The following PGS1 variants were observed in gnomAD, a reference collection of about 807,000 sequenced individuals.
PGS1 encodes the protein phosphatidylglycerophosphate synthase 1.
In PGS1, 44 loss-of-function variants were observed where a neutral mutation model predicts 58.3. The ratio of observed to expected loss-of-function variants is 0.75; its 90% CI spans 0.59 to 0.97. The LOEUF (loss-of-function observed/expected upper bound fraction) is 0.97, where lower values mean the gene tolerates loss of function less well. Among genes scored for constraint, PGS1 ranks in the 50% least tolerant of loss-of-function variants. The probability of loss-of-function intolerance (pLI) is 0.00; values close to 1 mark genes in which losing one functional copy is unlikely to be tolerated. For missense variants in PGS1, 684 were observed against 731.1 expected (o/e 0.94, Z 0.74); for synonymous variants, 330 against 311.0 (o/e 1.06, Z -0.64).
chr17:78,418,664 G>A (rs147101842), intron 8 of PGS1, among the ~76,000 whole-genome samples: 311 of 152,216 alleles, frequency 2.0e-3, no homozygotes, highest in Middle Eastern at 6.8e-3. Flanking sequence ...AAAAATCTTA[G>A]CGCATAGTGA....
At chr17:78,384,876 A>T (rs558271262) in intron 1 of PGS1, among the ~76,000 whole-genome samples, 4 of 152,294 alleles carry the variant, frequency 2.6e-5, no homozygotes, top group Non-Finnish European at 4.4e-5. Context: ...TGTGGAAGGG[A>T]CGTCTAAAGG....
intron 1 of PGS1, among the ~76,000 whole-genome samples, chr17:78,390,332 GGAA>G (rs10564375): frequency 0.31 from 20,730 of 66,340 alleles, 1,594 homozygotes; most frequent in Middle Eastern, 0.35. Flanking sequence ...GGGTGGGGGA[GGAA>G]CAGCTGTTTC....
At chr17:78,402,411 TATATATATATATATATAC>T (rs142485716) in intron 6 of PGS1, among the ~76,000 whole-genome samples, 63,477 of 137,184 alleles carry the variant, frequency 0.46, 14,482 homozygotes, top group Admixed American at 0.53. Flanking sequence ...TATATATATA[TATATATATATATATATAC>T]ACACACACAC....
chr17:78,394,040 C>A (rs1196785456), intron 2 of PGS1, among the ~76,000 whole-genome samples: 1 of 151,752 alleles, frequency 6.6e-6, no homozygotes, highest in Non-Finnish European at 1.5e-5. Flanking sequence ...GGAAGGGTGG[C>A]ACACACCTGT....
chr17:78,413,906 T>C (rs1326668303), intron 7 of PGS1, among the ~76,000 whole-genome samples: 2 of 152,238 alleles, frequency 1.3e-5, no homozygotes, highest in African/African-American at 2.4e-5. Flanking sequence ...GGCCTCGTAG[T>C]GTGGCCCCCC....
In PGS1 at chr17:78,378,753, C is replaced by A; in HGVS notation, c.88C>A (p.Leu30Ile). The change falls in exon 1 of 10, where the codon CTC becomes ATC. Residue 30 changes from leucine (L) to isoleucine (I), a missense_variant. Coordinates refer to ENST00000262764, the MANE Select transcript of PGS1 (RefSeq NM_024419.5). ...GCCTGGCCGCCCAGGGCTGGCCGCGCTCCTGGGACGCCTGTCCGACCGCCT... is the reference window on the plus strand; with the variant it reads ...GCCTGGCCGCCCAGGGCTGGCCGCGATCCTGGGACGCCTGTCCGACCGCCT... ...LLPGRPGLAA[L>I]LGRLSDRLGR... 1 of 1,501,938 alleles carries A rather than the reference C, an allele frequency of 6.7e-7. No individual in the cohort carries two copies. The allele number at this position is 1,501,938 out of a possible 1,614,324, so 93.0% of individuals were successfully genotyped here.
At chr17:78,394,540 G>C (rs962558603) in intron 2 of PGS1, among the ~76,000 whole-genome samples, 4 of 151,914 alleles carry the variant, frequency 2.6e-5, no homozygotes, top group African/African-American at 9.7e-5. Context: ...TGAAGAAACA[G>C]GTTTTTCTTT....
intron 7 of PGS1, among the ~76,000 whole-genome samples, chr17:78,414,532 T>C (rs2085004464): frequency 6.6e-6 from 1 of 152,166 alleles, no homozygotes; most frequent in South Asian, 2.1e-4. Context: ...AGTGGGCAGC[T>C]GGGCAGGGGT....
Position 78,399,379 on chromosome 17 carries a change from A to C in PGS1, c.543A>C (p.Pro181=), listed in dbSNP as rs374638849. 6.2e-7 allele frequency: 1 copy of C among 1,613,670 alleles called. No individual in the cohort carries two copies. Among genetic ancestry groups the C allele is most frequent in the Non-Finnish European group, 8.5e-7 (1 of 1,179,904 alleles). ...AGAACTCCCGCACAATGCTGCTCCC[A>C]CTCCTGCGGAGGTTCCCAGAGCAGG... ...GRKNSRTMLL[P]LLRRFPEQVR... Residue 181 remains proline (P), a synonymous_variant, in exon 5 of 10, where the codon CCA becomes CCC. Transcript: ENST00000262764.
intron 7 of PGS1, among the ~76,000 whole-genome samples, chr17:78,412,535 A>T (rs2084805371): frequency 6.6e-6 from 1 of 152,216 alleles, no homozygotes; most frequent in Non-Finnish European, 1.5e-5. Context: ...TGTCTGCCTC[A>T]GCGCTGGCCT....
At chr17:78,408,687 G>T (rs1211340499) in intron 7 of PGS1, among the ~76,000 whole-genome samples, 1 of 152,198 alleles carries the variant, frequency 6.6e-6, no homozygotes, top group African/African-American at 2.4e-5. Flanking sequence ...GGAAGGTGCT[G>T]CCAGGCCGCT....
intron 7 of PGS1, among the ~76,000 whole-genome samples, chr17:78,404,513 C>G (rs1385164099): frequency 6.6e-6 from 1 of 151,878 alleles, no homozygotes; most frequent in East Asian, 1.9e-4. Flanking sequence ...CTCCGGAGCT[C>G]AAGTGGTCTG....
rs575096415 is a variant in PGS1 at position 78,379,435 on chromosome 17, AG to A, written c.143+629del. On this transcript the variant is annotated intron_variant, in intron 1 of 9. Transcript: ENST00000262764. ...ACTGAAGTTATGTAAATGATGAAGT[AG>A]GCTTTGGAGCAATTTGTTCAGGCAG... 7.2e-5 allele frequency among the ~76,000 whole-genome samples: 11 copies of A among 152,330 alleles called. No homozygotes were observed. The South Asian group carries it at 2.3e-3, about 32-fold the overall frequency.
Position 78,399,508 on chromosome 17 carries a change from C to T in PGS1, c.672C>T (p.Tyr224=), listed in dbSNP as rs1254730531. The part of the protein sequence containing the change: ...ETIGLQHIKV[Y]LFDNSVILSG... Reference sequence around the variant, plus strand: ...TCGGCCTCCAGCACATTAAGGTGTACCTCTTCGACAACAGCGTCATCTTGA... The same window carrying T: ...TCGGCCTCCAGCACATTAAGGTGTATCTCTTCGACAACAGCGTCATCTTGA... The change falls in exon 5 of 10, where the codon TAC becomes TAT. Residue 224 remains tyrosine (Y), a synonymous_variant. Transcript: ENST00000262764. 5 of 1,614,072 alleles carry T rather than the reference C, an allele frequency of 3.1e-6. No homozygotes were observed. Among genetic ancestry groups the T allele is most frequent in the African/African-American group, 2.7e-5 (2 of 74,930 alleles).
intron 6 of PGS1, among the ~76,000 whole-genome samples, chr17:78,401,896 C>T (rs1055915362): frequency 1.3e-5 from 2 of 152,158 alleles, no homozygotes; most frequent in Non-Finnish European, 2.9e-5. Context: ...GTGTGTGGAT[C>T]CCTGGTCTAA....
intron 7 of PGS1, among the ~76,000 whole-genome samples, chr17:78,408,702 C>T (rs1330033184): frequency 6.6e-6 from 1 of 152,180 alleles, no homozygotes; most frequent in African/African-American, 2.4e-5. Flanking sequence ...GCCGCTTCAC[C>T]TGCATCGCCT....
chr17:78,403,797 G>A lies in PGS1; in HGVS notation c.1110G>A (p.Glu370=). 1 of 1,614,250 alleles carries A rather than the reference G, an allele frequency of 6.2e-7. No homozygotes were observed. Residue 370 remains glutamate (E), a synonymous_variant, in exon 7 of 10, where the codon GAG becomes GAA. Transcript: ENST00000262764. ...TTCAAATCGATGAGATTGTCACTGA[G>A]ACCCTGTTGACTGAGGCGGAGCGCG... is the stretch of plus-strand genomic sequence containing the variant. ...FEIQIDEIVT[E]TLLTEAERGA... is the part of the protein sequence containing the mutation.
chr17:78,415,931 C>T (rs1225025022), intron 8 of PGS1, among the ~76,000 whole-genome samples: 1 of 152,256 alleles, frequency 6.6e-6, no homozygotes, highest in African/African-American at 2.4e-5. Flanking sequence ...CTGCCGCAGG[C>T]CAGAGCCCAG....
intron 1 of PGS1, among the ~76,000 whole-genome samples, chr17:78,391,487 CTT>C (rs528480749): frequency 6.6e-6 from 1 of 151,640 alleles, no homozygotes; most frequent in Non-Finnish European, 1.5e-5. Context: ...GCCCAGGTAA[CTT>C]TTTTTTGAGA....
Sources: gnomAD v4.1 joint callset for allele counts (sites outside exome capture counted in the v4.1 genomes callset) on GRCh38, gnomAD v4.1.1 for gene constraint, MANE v1.5 for transcripts, NCBI Gene and HGNC (gene_info 2026-07-23, HGNC 2026-07-21) for gene names.